The following OR2L13 variants were observed in gnomAD, a reference collection of about 807,000 sequenced individuals.
The protein encoded by OR2L13 is olfactory receptor family 2 subfamily L member 13.
A neutral mutation model predicts 15.3 loss-of-function variants in OR2L13; 14 were observed. The ratio of observed to expected loss-of-function variants is 0.91; its 90% CI spans 0.60 to 1.43. The LOEUF (loss-of-function observed/expected upper bound fraction) is 1.43. Among genes scored for constraint, OR2L13 ranks in the 40% most tolerant of loss-of-function variants. The pLI is 0.00. For synonymous variants in OR2L13, 152 were observed against 142.9 expected, an observed-to-expected ratio of 1.06 and a Z score of -0.45; for missense variants, 367 against 387.9, an observed-to-expected ratio of 0.95 and a Z score of 0.45.
chr1:248,023,072 T>A, the OR2L13 span: 1 of 538,752 alleles, frequency 1.9e-6, no homozygotes, highest in African/African-American at 1.9e-5. Context: ...TCTGTTTGTG[T>A]TTCTTTTTAT....
the OR2L13 span, among the ~76,000 whole-genome samples, chr1:248,036,465 G>T: frequency 6.6e-6 from 1 of 151,976 alleles, no homozygotes; most frequent in Admixed American, 6.6e-5. Context: ...CACTCTTTTT[G>T]CAGGTTTGTG....
chr1:248,059,325 C>G, the OR2L13 span, among the ~76,000 whole-genome samples: 3 of 152,168 alleles, frequency 2.0e-5, no homozygotes, highest in African/African-American at 7.2e-5. Context: ...GAGTTTCTAA[C>G]GCACCTCTAC....
the OR2L13 span, chr1:248,047,010 A>G: frequency 6.6e-6 from 1 of 152,222 alleles, no homozygotes; most frequent in South Asian, 2.1e-4. Flanking sequence ...TGTACTTTCT[A>G]TAACACCATT....
the OR2L13 span, chr1:248,040,306 G>C: frequency 5.9e-5 from 9 of 152,202 alleles, no homozygotes; most frequent in Admixed American, 1.3e-4. Flanking sequence ...ATTCCTGAGA[G>C]ACTCTTTTAT....
the OR2L13 span, among the ~76,000 whole-genome samples, chr1:247,945,321 G>C: frequency 6.6e-6 from 1 of 152,132 alleles, no homozygotes; most frequent in Non-Finnish European, 1.5e-5. Flanking sequence ...GTGGTTTTGA[G>C]GGATATTTTA....
chr1:248,072,332 T>C, the OR2L13 span, among the ~76,000 whole-genome samples: 6 of 151,906 alleles, frequency 3.9e-5, no homozygotes, highest in South Asian at 2.1e-4. Context: ...TGCATATCTA[T>C]GGCTATCTGA....
the OR2L13 span, among the ~76,000 whole-genome samples, chr1:247,952,086 C>T: frequency 5.9e-5 from 9 of 152,200 alleles, no homozygotes; most frequent in Admixed American, 2.0e-4. Flanking sequence ...ACCCAAACTG[C>T]GTGCTAACAC....
At chr1:248,071,561 T>C in the OR2L13 span, among the ~76,000 whole-genome samples, 1 of 152,102 alleles carries the variant, frequency 6.6e-6, no homozygotes, top group East Asian at 1.9e-4. Flanking sequence ...CTTTGAAAAC[T>C]GGCACAAGAC....
the OR2L13 span, chr1:248,046,694 G>A: frequency 2.0e-5 from 3 of 152,078 alleles, no homozygotes; most frequent in Non-Finnish European, 4.4e-5. Flanking sequence ...TCATTCTCCA[G>A]GTAAAGAAGG....
At chr1:247,958,862 A>G in the OR2L13 span, among the ~76,000 whole-genome samples, 1 of 152,006 alleles carries the variant, frequency 6.6e-6, no homozygotes, top group African/African-American at 2.4e-5. Flanking sequence ...GTTTTCCTGA[A>G]TACAGCACAC....
the OR2L13 span, among the ~76,000 whole-genome samples, chr1:248,019,832 G>A: frequency 1.3e-5 from 2 of 151,832 alleles, no homozygotes; most frequent in African/African-American, 4.8e-5. Context: ...TGTCACCCAA[G>A]TGGGAATGTG....
the OR2L13 span, among the ~76,000 whole-genome samples, chr1:248,071,190 C>G: frequency 5.9e-5 from 9 of 152,158 alleles, no homozygotes; most frequent in Non-Finnish European, 1.2e-4. Flanking sequence ...GAATTTTAGA[C>G]CAATATCCCT....
the OR2L13 span, among the ~76,000 whole-genome samples, chr1:248,049,917 T>C: frequency 2.0e-5 from 3 of 152,194 alleles, no homozygotes; most frequent in Non-Finnish European, 4.4e-5. Context: ...TATATGTATA[T>C]ATGCATATAT....
At chr1:248,063,025 G>C in the OR2L13 span, 1 of 152,066 alleles carries the variant, frequency 6.6e-6, no homozygotes, top group East Asian at 1.9e-4. Context: ...TTGAAGTTTG[G>C]TACTCATGCC....
At chr1:248,012,486 C>A in the OR2L13 span, among the ~76,000 whole-genome samples, 1 of 152,128 alleles carries the variant, frequency 6.6e-6, no homozygotes, top group Non-Finnish European at 1.5e-5. Context: ...GCACCTCTAC[C>A]TGCATCTAAT....
chr1:248,082,286 G>A, the OR2L13 span, among the ~76,000 whole-genome samples: 12 of 138,790 alleles, frequency 8.6e-5, no homozygotes, highest in Non-Finnish European at 1.8e-4. Flanking sequence ...GGTGGGAATT[G>A]AACAATGAGA....
chr1:248,000,157 G>T, the OR2L13 span, among the ~76,000 whole-genome samples: 2 of 128,604 alleles, frequency 1.6e-5, no homozygotes, highest in African/African-American at 3.3e-5. Flanking sequence ...CAGTTTTTCT[G>T]CACCTATGCA....
At chr1:247,985,252 C>T in the OR2L13 span, among the ~76,000 whole-genome samples, 15 of 152,062 alleles carry the variant, frequency 9.9e-5, no homozygotes, top group Non-Finnish European at 1.9e-4. Flanking sequence ...TCCCTCCCTC[C>T]TTCCCCTACC....
chr1:247,974,194 TCTCA>T, the OR2L13 span, among the ~76,000 whole-genome samples: 2 of 151,642 alleles, frequency 1.3e-5, no homozygotes, highest in African/African-American at 2.4e-5. Context: ...AAACTAAACA[TCTCA>T]CTCATAAGCG....
Sources: gnomAD v4.1 joint callset for allele counts (sites outside exome capture counted in the v4.1 genomes callset) on GRCh38, gnomAD v4.1.1 for gene constraint, MANE v1.5 for transcripts, NCBI Gene and HGNC (gene_info 2026-07-23, HGNC 2026-07-21) for gene names.